The following MTBP variants were observed in gnomAD, a reference collection of about 807,000 sequenced individuals.
MTBP encodes mdm2-binding protein.
A neutral mutation model predicts 117.0 loss-of-function variants in MTBP; 101 were observed. That is an observed-to-expected ratio of 0.86 (90% CI 0.73 to 1.02). MTBP has a LOEUF of 1.02. Ranked by LOEUF, MTBP falls within the 50% of genes least tolerant of loss-of-function variation. The pLI, the probability that MTBP is intolerant of heterozygous loss-of-function variation, is 0.00. For missense variants in MTBP, 970 were observed against 1,030.9 expected (o/e 0.94, Z 0.81); for synonymous variants, 350 against 351.5 (o/e 1.00, Z 0.05).
In MTBP at chr8:120,457,985, AAGTGGAAG is replaced by A. The variant is rs958691652; in HGVS notation, c.748-1220_748-1213del. Among the ~76,000 whole-genome samples the A allele has an allele frequency of 3.3e-5, 5 of 151,706 alleles. No individual in the cohort carries two copies. The East Asian group carries it at 9.7e-4, about 29-fold the overall frequency. On this transcript the variant is annotated intron_variant, in intron 7 of 21. Coordinates refer to ENST00000305949, the MANE Select transcript of MTBP (RefSeq NM_022045.5). ...AAACCCAAAAAAACCCCACATAGCC[AAGTGGAAG>A]AGTGGAAGATACAGTTTGCTAGAAT...
At chr8:120,491,012 A>G (rs1814334358) in intron 13 of MTBP, among the ~76,000 whole-genome samples, 2 of 152,148 alleles carry the variant, frequency 1.3e-5, no homozygotes, top group Non-Finnish European at 2.9e-5. Flanking sequence ...ATGATCATCA[A>G]TAATAAGTAA....
chr8:120,490,774 C>T (rs1473421775), intron 13 of MTBP: 2 of 380,016 alleles, frequency 5.3e-6, no homozygotes, highest in African/African-American at 4.2e-5. Flanking sequence ...TTGTACATCA[C>T]TGTTAACATT....
intron 4 of MTBP, among the ~76,000 whole-genome samples, chr8:120,453,299 A>ATGG (rs1813399495): frequency 6.6e-6 from 1 of 151,986 alleles, no homozygotes; most frequent in Admixed American, 6.6e-5. Flanking sequence ...TTAGCCAGGC[A>ATGG]TGGTGGTGTG....
At chr8:120,518,203 C>T (rs1406070661) in intron 19 of MTBP, 103 bp downstream of exon 19, 15 of 1,281,996 alleles carry the variant, frequency 1.2e-5, no homozygotes, top group Non-Finnish European at 1.3e-5. Context: ...TGAAATGAAA[C>T]GATGTCTAGA....
chr8:120,484,741 C>T (rs1483454637), intron 11 of MTBP, among the ~76,000 whole-genome samples: 1 of 152,174 alleles, frequency 6.6e-6, no homozygotes, highest in Admixed American at 6.6e-5. Flanking sequence ...ACTATCACCA[C>T]AGTCAAGTTT....
At position 120,456,730 on chromosome 8, in the gene MTBP, A is replaced by G. The variant is rs185275861; in HGVS notation, c.747+60A>G. Reference sequence around the variant, plus strand: ...TTTCAATTTTATTTACAACACAGATATTTAAATAAATCTTAATGAAAATGT... The same window carrying G: ...TTTCAATTTTATTTACAACACAGATGTTTAAATAAATCTTAATGAAAATGT... On this transcript the variant is annotated intron_variant, in intron 7 of 21. Coordinates refer to ENST00000305949, the MANE Select transcript of MTBP (RefSeq NM_022045.5). 8.2e-5 allele frequency: 68 copies of G among 831,320 alleles called. No homozygotes were observed. The East Asian group carries it at 1.6e-3, about 19-fold the overall frequency. The allele number at this position is 831,320 out of a possible 1,614,324, so 51.5% of individuals were successfully genotyped here.
In MTBP at chr8:120,516,131, CT is replaced by C; in HGVS notation, c.2187del (p.Glu730LysfsTer5). Reference sequence around the variant, plus strand: ...GAAGTTTTACAAAATGAACTTCGAACTGAAGTATCCCGATTGAAACGGAGAT... The same window carrying C: ...GAAGTTTTACAAAATGAACTTCGAACGAAGTATCCCGATTGAAACGGAGAT... ...DGEVLQNELRTEVSRLKRRSK... is the reference protein window; with the variant it reads ...DGEVLQNELRXEVSRLKRRSK... On this transcript the variant is annotated frameshift_variant, in exon 18 of 22. Coordinates refer to ENST00000305949, the MANE Select transcript of MTBP (RefSeq NM_022045.5). LOFTEE classifies it high-confidence loss of function. 6.2e-7 allele frequency: 1 copy of C among 1,612,658 alleles called. No homozygotes were observed. The highest frequency in any genetic ancestry group is 1.1e-5 in the South Asian group (1 of 91,032).
chr8:120,465,674 T>G (rs1169410264), intron 10 of MTBP, among the ~76,000 whole-genome samples: 7 of 148,208 alleles, frequency 4.7e-5, no homozygotes, highest in Non-Finnish European at 8.9e-5. Context: ...TTTTTTTTTT[T>G]TTTGAGACGG....
chr8:120,472,621 G>A (rs1230672060), intron 11 of MTBP: 2 of 152,080 alleles, frequency 1.3e-5, no homozygotes, highest in African/African-American at 4.8e-5. Flanking sequence ...CTTGCCACAT[G>A]GTCTTCTCAG....
chr8:120,515,907 C>G lies in MTBP; in HGVS notation c.1980-18C>G. 1 of 1,607,258 alleles carries G rather than the reference C, an allele frequency of 6.2e-7. No homozygotes were observed. The highest frequency in any genetic ancestry group is 8.5e-7 in the Non-Finnish European group (1 of 1,176,282). ...TCTCATGGAGGTTTACATTTTAATG[C>G]TCTTTCACTCATTTTAGATATTGCT... is the stretch of plus-strand genomic sequence containing the variant. On this transcript the variant is annotated intron_variant, in intron 17 of 21. Coordinates refer to ENST00000305949, the MANE Select transcript of MTBP (RefSeq NM_022045.5).
intron 14 of MTBP, among the ~76,000 whole-genome samples, chr8:120,501,334 C>T (rs1275812642): frequency 6.6e-6 from 1 of 152,086 alleles, no homozygotes; most frequent in Non-Finnish European, 1.5e-5. Flanking sequence ...TGCACTCCAG[C>T]CTGGGCGACA....
chr8:120,473,611 A>G (rs1441050956), intron 11 of MTBP: 2 of 152,164 alleles, frequency 1.3e-5, no homozygotes, highest in African/African-American at 4.8e-5. Flanking sequence ...ACATAGCCTT[A>G]AGAGCTCAAG....
At chr8:120,450,581 C>T (rs566990088) in intron 2 of MTBP, among the ~76,000 whole-genome samples, 4 of 152,096 alleles carry the variant, frequency 2.6e-5, no homozygotes, top group Non-Finnish European at 5.9e-5. Flanking sequence ...TGCTCTTTAA[C>T]GCCTCTGTCT....
intron 12 of MTBP, among the ~76,000 whole-genome samples, chr8:120,489,041 C>CTTTTTTT (rs1563797857): frequency 6.5e-5 from 5 of 76,580 alleles, no homozygotes; most frequent in Non-Finnish European, 1.5e-4. Flanking sequence ...GGCAGACTGA[C>CTTTTTTT]TTCTTTTTTT....
At chr8:120,453,628 A>T (rs943326495) in intron 4 of MTBP, among the ~76,000 whole-genome samples, 1 of 152,010 alleles carries the variant, frequency 6.6e-6, no homozygotes, top group African/African-American at 2.4e-5. Context: ...CCTAGCTTCC[A>T]TACATACTAA....
intron 11 of MTBP, among the ~76,000 whole-genome samples, chr8:120,474,116 T>A (rs1246287633): frequency 6.6e-6 from 1 of 152,058 alleles, no homozygotes; most frequent in Non-Finnish European, 1.5e-5. Flanking sequence ...TTTGATTTTT[T>A]AAAATTATCT....
At chr8:120,457,487 A>G (rs910143465) in intron 7 of MTBP, among the ~76,000 whole-genome samples, 2 of 152,158 alleles carry the variant, frequency 1.3e-5, no homozygotes, top group Admixed American at 6.5e-5. Flanking sequence ...ACCCTTAATA[A>G]TGGTTTAATA....
chr8:120,506,734 C>CAGTT lies in MTBP; in HGVS notation c.1757_1760dup (p.Leu588ValfsTer18). 1 of 1,611,472 alleles carries CAGTT rather than the reference C, an allele frequency of 6.2e-7. No individual in the cohort carries two copies. Among genetic ancestry groups the CAGTT allele is most frequent in the Non-Finnish European group, 8.5e-7 (1 of 1,179,090 alleles). ...TGGTTCATTACCTCATTCATCTGAA[C>CAGTT]AGTTGCTGGGCCACAAAGAGGGTCC... is the stretch of plus-strand genomic sequence containing the variant. On this transcript the variant is annotated frameshift_variant, in exon 16 of 22. Coordinates refer to ENST00000305949, the MANE Select transcript of MTBP (RefSeq NM_022045.5). LOFTEE classifies it high-confidence loss of function.
intron 12 of MTBP, among the ~76,000 whole-genome samples, chr8:120,489,300 G>A (rs567603599): frequency 6.6e-6 from 1 of 152,252 alleles, no homozygotes; most frequent in South Asian, 2.1e-4. Context: ...GCCTCCCAAA[G>A]TGCTGGGATT....
Sources: gnomAD v4.1 joint callset for allele counts (sites outside exome capture counted in the v4.1 genomes callset) on GRCh38, gnomAD v4.1.1 for gene constraint, MANE v1.5 for transcripts, NCBI Gene and HGNC (gene_info 2026-07-23, HGNC 2026-07-21) for gene names.